The following ROBO2 variants were observed in gnomAD, a reference collection of about 807,000 sequenced individuals.
The protein encoded by ROBO2 is roundabout guidance receptor 2, also known as roundabout homolog 2.
In ROBO2, 53 loss-of-function variants were observed where a neutral mutation model predicts 160.8. The ratio of observed to expected loss-of-function variants is 0.33; its 90% CI spans 0.26 to 0.41. The LOEUF is 0.41. ROBO2 is among the 10% of genes least tolerant of loss of function. ROBO2 has a pLI of 1.00. For synonymous variants in ROBO2, 664 were observed against 611.7 expected, an observed-to-expected ratio of 1.09 and a Z score of -1.26; for missense variants, 1,577 against 1,722.4, an observed-to-expected ratio of 0.92 and a Z score of 1.49.
chr3:76,907,932 C>T (rs1577393331), intron 2 of ROBO2, among the ~76,000 whole-genome samples: 1 of 151,648 alleles, frequency 6.6e-6, no homozygotes, highest in Non-Finnish European at 1.5e-5. Context: ...CTCCACCTCC[C>T]GGGTTCAAGC....
chr3:76,495,214 T>TG (rs2080080434), intron 2 of ROBO2, among the ~76,000 whole-genome samples: 1 of 37,810 alleles, frequency 2.6e-5, no homozygotes, highest in East Asian at 6.3e-4. Flanking sequence ...CTTCATTTCC[T>TG]TTTTTTTTTT....
intron 2 of ROBO2, among the ~76,000 whole-genome samples, chr3:76,120,146 C>A (rs573161706): frequency 6.6e-6 from 1 of 151,958 alleles, no homozygotes; most frequent in South Asian, 2.1e-4. Flanking sequence ...AGATTCCAGG[C>A]ATGCACCACC....
At chr3:77,176,076 A>G (rs1242948221) in intron 2 of ROBO2, among the ~76,000 whole-genome samples, 1 of 152,044 alleles carries the variant, frequency 6.6e-6, no homozygotes, top group Non-Finnish European at 1.5e-5. Context: ...TAGCAGGAAC[A>G]GAAAGAATGA....
intron 2 of ROBO2, among the ~76,000 whole-genome samples, chr3:76,726,440 A>G (rs1209757416): frequency 1.3e-5 from 2 of 152,180 alleles, no homozygotes; most frequent in African/African-American, 4.8e-5. Flanking sequence ...ATTTGTGTTC[A>G]GAATAGTGAT....
Position 77,215,312 on chromosome 3 carries a change from T to G in ROBO2, c.388+116972T>G, listed in dbSNP as rs557751189. On this transcript the variant is annotated intron_variant, in intron 2 of 25. Coordinates refer to ENST00000461745, the Ensembl canonical transcript of ROBO2. ...TCTTTTTTCTCTAAACTTCTCTTCT[T>G]GCTTCATTTCATTCATTTGGTCTTC... Among the ~76,000 whole-genome samples, 4 of 152,252 alleles carry G rather than the reference T, an allele frequency of 2.6e-5. No homozygotes were observed. The South Asian group carries it at 8.3e-4, about 32-fold the overall frequency.
intron 2 of ROBO2, among the ~76,000 whole-genome samples, chr3:77,246,353 G>GTGTGTGTGTT (rs1158493022): frequency 2.0e-5 from 3 of 151,872 alleles, no homozygotes; most frequent in Admixed American, 6.6e-5. Flanking sequence ...GTGTGTGTGT[G>GTGTGTGTGTT]TGTGTGTTTT....
chr3:76,417,349 C>G (rs1250682008), intron 2 of ROBO2, among the ~76,000 whole-genome samples: 1 of 152,180 alleles, frequency 6.6e-6, no homozygotes, highest in Non-Finnish European at 1.5e-5. Flanking sequence ...AGTGTCCATT[C>G]TAGGACATCA....
chr3:77,286,391 G>A (rs1039849816), intron 2 of ROBO2, among the ~76,000 whole-genome samples: 3 of 151,354 alleles, frequency 2.0e-5, no homozygotes, highest in Non-Finnish European at 4.4e-5. Context: ...CGAGTAGCTG[G>A]GACTACAGGC....
intron 2 of ROBO2, among the ~76,000 whole-genome samples, chr3:76,192,539 C>T (rs1185519496): frequency 1.4e-5 from 2 of 147,728 alleles, no homozygotes; most frequent in Non-Finnish European, 3.0e-5. Flanking sequence ...CACACACACA[C>T]ACACACACAC....
chr3:76,909,181 C>T (rs1200893712), intron 2 of ROBO2, among the ~76,000 whole-genome samples: 1 of 152,168 alleles, frequency 6.6e-6, no homozygotes, highest in Non-Finnish European at 1.5e-5. Flanking sequence ...GAGCTGCGAT[C>T]AAATCACTGT....
chr3:76,225,738 T>C (rs1039400219), intron 2 of ROBO2, among the ~76,000 whole-genome samples: 2 of 151,904 alleles, frequency 1.3e-5, no homozygotes, highest in African/African-American at 4.8e-5. Flanking sequence ...TAAAATAAAA[T>C]AAAATAAAAA....
At chr3:76,537,752 G>C (rs1367681026) in intron 2 of ROBO2, among the ~76,000 whole-genome samples, 1 of 152,124 alleles carries the variant, frequency 6.6e-6, no homozygotes, top group Admixed American at 6.6e-5. Context: ...TCACTTGGGT[G>C]CAAGTGGGCT....
chr3:76,970,114 C>A (rs936332080), intron 2 of ROBO2, among the ~76,000 whole-genome samples: 2 of 152,084 alleles, frequency 1.3e-5, no homozygotes, highest in African/African-American at 4.8e-5. Flanking sequence ...TTCTGAAGAA[C>A]CATTCTCACA....
At chr3:77,520,927 T>A (rs2090527656) in intron 5 of ROBO2, among the ~76,000 whole-genome samples, 1 of 151,354 alleles carries the variant, frequency 6.6e-6, no homozygotes, top group Non-Finnish European at 1.5e-5. Flanking sequence ...CATTTTAGCC[T>A]AGTACTTGCT....
chr3:76,521,392 C>T (rs2081610757), intron 2 of ROBO2, among the ~76,000 whole-genome samples: 1 of 152,056 alleles, frequency 6.6e-6, no homozygotes, highest in Non-Finnish European at 1.5e-5. Context: ...AGTGGAGGTC[C>T]TAGTCAGTAG....
chr3:77,291,153 G>A (rs1371036496), intron 2 of ROBO2, among the ~76,000 whole-genome samples: 2 of 151,402 alleles, frequency 1.3e-5, no homozygotes, highest in South Asian at 2.1e-4. Context: ...ATGGTTAAAC[G>A]GGAAGTTGAG....
intron 2 of ROBO2, among the ~76,000 whole-genome samples, chr3:76,837,629 C>G (rs932845120): frequency 6.6e-6 from 1 of 151,094 alleles, no homozygotes; most frequent in Non-Finnish European, 1.5e-5. Flanking sequence ...TTTTGGCATC[C>G]TCTATTTATA....
intron 2 of ROBO2, among the ~76,000 whole-genome samples, chr3:77,246,664 G>A (rs951236169): frequency 1.3e-5 from 2 of 152,100 alleles, no homozygotes; most frequent in African/African-American, 4.8e-5. Flanking sequence ...GTGTCGGCAC[G>A]TAACATTTTC....
At chr3:75,967,912 A>T (rs1467064143) in intron 2 of ROBO2, among the ~76,000 whole-genome samples, 2 of 151,536 alleles carry the variant, frequency 1.3e-5, no homozygotes, top group East Asian at 3.9e-4. Context: ...AAGTATCTTC[A>T]GTGTCCAGAA....
Sources: gnomAD v4.1 joint callset for allele counts (sites outside exome capture counted in the v4.1 genomes callset) on GRCh38, gnomAD v4.1.1 for gene constraint, MANE v1.5 for transcripts, NCBI Gene and HGNC (gene_info 2026-07-23, HGNC 2026-07-21) for gene names.